The following LANCL3 variants were observed in gnomAD, a reference collection of about 807,000 sequenced individuals.
LANCL3 encodes lanC-like protein 3.
A neutral mutation model predicts 26.5 loss-of-function variants in LANCL3; 19 were observed. The ratio of observed to expected loss-of-function variants is 0.72; its 90% CI spans 0.50 to 1.05. The LOEUF (loss-of-function observed/expected upper bound fraction) is 1.05, where lower values mean the gene tolerates loss of function less well. Ranked by LOEUF, LANCL3 falls within the 50% of genes least tolerant of loss-of-function variation. The pLI is 0.00. For synonymous variants in LANCL3, 160 were observed against 166.6 expected, an observed-to-expected ratio of 0.96 and a Z score of 0.30; for missense variants, 318 against 362.7, an observed-to-expected ratio of 0.88 and a Z score of 1.00.
At chrX:37,599,084 G>A (rs1924513826) in intron 1 of LANCL3, among the ~76,000 whole-genome samples, 1 of 112,118 alleles carries the variant, frequency 8.9e-6, no homozygotes, top group African/African-American at 3.2e-5. Flanking sequence ...TCAAAGTATG[G>A]CTTGCAGGTC....
intron 1 of LANCL3, among the ~76,000 whole-genome samples, chrX:37,617,926 G>A (rs1267032023): frequency 9.0e-6 from 1 of 111,704 alleles, no homozygotes; most frequent in Non-Finnish European, 1.9e-5. Flanking sequence ...TTGTTCAATT[G>A]GAATCATGTG....
At chrX:37,631,974 T>G (rs1569466671) in intron 1 of LANCL3, among the ~76,000 whole-genome samples, 2 of 110,848 alleles carry the variant, frequency 1.8e-5, no homozygotes, top group Non-Finnish European at 3.8e-5. Flanking sequence ...TAGGTCTGCT[T>G]GGTGCAGAGC....
intron 1 of LANCL3, among the ~76,000 whole-genome samples, chrX:37,612,009 C>T (rs1038734254): frequency 3.6e-5 from 4 of 110,668 alleles, no homozygotes; most frequent in Admixed American, 1.9e-4. Flanking sequence ...GGCACGATCT[C>T]GGCTCACTGC....
chrX:37,647,281 T>G (rs1368163950), intron 1 of LANCL3, among the ~76,000 whole-genome samples: 1 of 108,851 alleles, frequency 9.2e-6, no homozygotes, highest in Non-Finnish European at 1.9e-5. Context: ...GCCACTGCAC[T>G]CCAGCCTGGG....
Position 37,572,453 on chromosome X carries a change from A to G in LANCL3, c.573+10A>G. 2 of 1,164,539 alleles carry G rather than the reference A, an allele frequency of 1.7e-6. No homozygotes were observed. The highest frequency in any genetic ancestry group is 1.9e-5 in the South Asian group (1 of 52,707). On this transcript the variant is annotated intron_variant, in intron 1 of 4. Coordinates refer to ENST00000378619, the MANE Select transcript of LANCL3 (RefSeq NM_001170331.2). ...GAAACTCGCCCAGGAGGTAAGAGGT[A>G]GCCCGGGCCGCGGGAGGGCGCTCGC...
intron 1 of LANCL3, among the ~76,000 whole-genome samples, chrX:37,600,078 G>T (rs1556419874): frequency 9.0e-6 from 1 of 111,642 alleles, no homozygotes; most frequent in Non-Finnish European, 1.9e-5. Context: ...GAATAAAGTA[G>T]CCCCCCCTTA....
At chrX:37,619,401 G>A (rs1331835053) in intron 1 of LANCL3, among the ~76,000 whole-genome samples, 1 of 111,191 alleles carries the variant, frequency 9.0e-6, no homozygotes, top group African/African-American at 3.3e-5. Flanking sequence ...CCTTTACTTA[G>A]AGTTGTAACC....
At chrX:37,658,995 T>C (rs781792810) in intron 2 of LANCL3, among the ~76,000 whole-genome samples, 30 of 112,662 alleles carry the variant, frequency 2.7e-4, no homozygotes, top group Non-Finnish European at 4.9e-4. Flanking sequence ...TTAGGATACC[T>C]AGACCAAATT....
intron 1 of LANCL3, among the ~76,000 whole-genome samples, chrX:37,617,730 A>T (rs1178843224): frequency 9.0e-6 from 1 of 111,619 alleles, no homozygotes; most frequent in African/African-American, 3.3e-5. Context: ...AGCCACCAAC[A>T]GCCTATAGCC....
intron 1 of LANCL3, among the ~76,000 whole-genome samples, chrX:37,617,061 A>G (rs1908958311): frequency 9.2e-6 from 1 of 109,168 alleles, no homozygotes; most frequent in African/African-American, 3.3e-5. Context: ...TTTGAATGTG[A>G]ATAATCAAAT....
At chrX:37,624,210 TC>T (rs782082251) in intron 1 of LANCL3, among the ~76,000 whole-genome samples, 1 of 111,954 alleles carries the variant, frequency 8.9e-6, no homozygotes, top group Admixed American at 9.5e-5. Context: ...AGTGCCTGTT[TC>T]CCCACAAATC....
intron 1 of LANCL3, among the ~76,000 whole-genome samples, chrX:37,589,087 T>G (rs1214176494): frequency 2.7e-5 from 3 of 112,199 alleles, no homozygotes; most frequent in African/African-American, 9.7e-5. Context: ...AGATCCAGTG[T>G]CTAACCAGAA....
At chrX:37,625,865 A>AT (rs781819440) in intron 1 of LANCL3, among the ~76,000 whole-genome samples, 125 of 111,344 alleles carry the variant, frequency 1.1e-3, no homozygotes, top group Middle Eastern at 4.6e-3. Context: ...ACAAATACTG[A>AT]TTTTTTTGCC....
intron 1 of LANCL3, among the ~76,000 whole-genome samples, chrX:37,649,647 G>A (rs1035197071): frequency 2.7e-5 from 3 of 111,608 alleles, no homozygotes; most frequent in Non-Finnish European, 5.7e-5. Flanking sequence ...TCTGGGCTGG[G>A]GCCTGGGAAT....
At position 37,677,418 on chromosome X, in the gene LANCL3, A is replaced by G. The variant is rs1301584316; in HGVS notation, c.*1605A>G. ...CAAAGAATCTGACCAAAGAAAGGTA[A>G]CAACTATCTTTGTGTATTTTATGAC... On this transcript the variant is annotated 3_prime_UTR_variant, in exon 5 of 5. Coordinates refer to ENST00000378619, the MANE Select transcript of LANCL3 (RefSeq NM_001170331.2). 1 of 111,889 alleles carries G rather than the reference A, an allele frequency of 8.9e-6. No individual in the cohort carries two copies. The highest frequency in any genetic ancestry group is 3.2e-5 in the African/African-American group (1 of 30,776). 9.2% of individuals were successfully genotyped at this position (111,889 alleles called of 1,213,427 possible).
chrX:37,612,805 G>C (rs184724539), intron 1 of LANCL3, among the ~76,000 whole-genome samples: 136 of 111,952 alleles, frequency 1.2e-3, no homozygotes, highest in African/African-American at 4.2e-3. Context: ...TGTTGACACA[G>C]TGAGAGAAGT....
intron 1 of LANCL3, among the ~76,000 whole-genome samples, chrX:37,630,553 T>A (rs1337980281): frequency 1.4e-4 from 15 of 108,028 alleles, no homozygotes; most frequent in Admixed American, 4.0e-4. Context: ...ATGCTTCCAG[T>A]TTTTGCCCAT....
chrX:37,587,149 C>T (rs1321914970), intron 1 of LANCL3, among the ~76,000 whole-genome samples: 3 of 112,622 alleles, frequency 2.7e-5, no homozygotes, highest in Non-Finnish European at 3.8e-5. Flanking sequence ...CTGATTGTTC[C>T]TCTGGAGGTT....
rs182804764 is a variant in LANCL3, at chrX:37,587,272, G to A, written c.573+14829G>A. ...ACCCACTTGAGGAGGCAGTCTGTCC[G>A]TTCTCAGATTTCAAATTCCATGCTG... is the stretch of plus-strand genomic sequence containing the variant. On this transcript the variant is annotated intron_variant, in intron 1 of 4. Transcript: ENST00000378619. Among the ~76,000 whole-genome samples the A allele has an allele frequency of 4.9e-3, 554 of 112,649 alleles. 4 individuals carry two copies. The highest frequency in any genetic ancestry group is 0.014 in the Middle Eastern group (3 of 216).
Sources: gnomAD v4.1 joint callset for allele counts (sites outside exome capture counted in the v4.1 genomes callset) on GRCh38, gnomAD v4.1.1 for gene constraint, MANE v1.5 for transcripts, NCBI Gene and HGNC (gene_info 2026-07-23, HGNC 2026-07-21) for gene names.